PADI3: variants seen among roughly 807,000 people sequenced by gnomAD.
PADI3 encodes the protein protein-arginine deiminase type-3.
PADI3 carries 53 observed loss-of-function variants against 71.5 expected under a neutral mutation model. The observed-to-expected ratio is 0.74, with a 90% confidence interval of 0.59 to 0.93. The LOEUF (loss-of-function observed/expected upper bound fraction) is 0.93, where lower values mean the gene tolerates loss of function less well. Among genes scored for constraint, PADI3 ranks in the 40% least tolerant of loss-of-function variants. The pLI is 0.00. For missense variants in PADI3, 821 were observed against 868.0 expected, an observed-to-expected ratio of 0.95 and a Z score of 0.68; for synonymous variants, 361 against 347.5, an observed-to-expected ratio of 1.04 and a Z score of -0.43.
In PADI3 at chr1:17,265,423, G is replaced by A. The variant is rs532652198; in HGVS notation, c.347-236G>A. 1.1e-4 allele frequency among the ~76,000 whole-genome samples: 16 copies of A among 152,326 alleles called. No individual in the cohort carries two copies. The South Asian group carries it at 2.9e-3, about 28-fold the overall frequency. On this transcript the variant is annotated intron_variant, in intron 3 of 15. Transcript: ENST00000375460. ...AGGGCTGCAGGGATGCAGATAGGAA[G>A]TGGTCAGGGAAGTCTCCCTAGAGGG...
At chr1:17,266,204 C>T (rs1032841956) in intron 4 of PADI3, among the ~76,000 whole-genome samples, 9 of 152,110 alleles carry the variant, frequency 5.9e-5, no homozygotes, top group African/African-American at 2.2e-4. Context: ...CTGACCTAGG[C>T]GAGAAGAGAA....
intron 4 of PADI3, 143 bp from the exon 5 acceptor site, chr1:17,266,576 A>G (rs776360399): frequency 5.7e-5 from 40 of 702,142 alleles, no homozygotes; most frequent in Non-Finnish European, 9.6e-5. Flanking sequence ...ATTGCCATTG[A>G]CATGTCTTGA....
rs140711335 is a variant in PADI3, at chr1:17,271,298, C to T, written c.1047+120C>T. 85 of 800,812 alleles carry T rather than the reference C, an allele frequency of 1.1e-4. No individual in the cohort carries two copies. The Middle Eastern group carries it at 1.1e-3, about 11-fold the overall frequency. The allele number at this position is 800,812 out of a possible 1,614,324, so 49.6% of individuals were successfully genotyped here. A position where few individuals can be genotyped will look rare whatever the true frequency, so the allele number is the denominator to read the frequency against. On this transcript the variant is annotated intron_variant, in intron 9 of 15. Coordinates refer to ENST00000375460, the MANE Select transcript of PADI3 (RefSeq NM_016233.2). ...GGGTGCTCCCCAGGGAACTTGCTGC[C>T]GTTTCTAATGTGAGACCTAGAGGCT...
At position 17,270,231 on chromosome 1, in the gene PADI3, A is replaced by T; in HGVS notation, c.653-2A>T. The T allele has an allele frequency of 6.2e-7, 1 of 1,607,276 alleles. No homozygotes were observed. Among genetic ancestry groups the T allele is most frequent in the Non-Finnish European group, 8.5e-7 (1 of 1,176,288 alleles). Reference sequence around the variant, plus strand: ...ACAGCCACCCCGTCCCTCCCCTTCCAGGTCCTGAGGATGTGTGTGAGGCCT... The same window carrying T: ...ACAGCCACCCCGTCCCTCCCCTTCCTGGTCCTGAGGATGTGTGTGAGGCCT... On this transcript the variant is annotated splice_acceptor_variant, in intron 6 of 15. Coordinates refer to ENST00000375460, the MANE Select transcript of PADI3 (RefSeq NM_016233.2). LOFTEE classifies it high-confidence loss of function.
chr1:17,266,502 A>C (rs1425282666), intron 4 of PADI3, among the ~76,000 whole-genome samples: 1 of 152,236 alleles, frequency 6.6e-6, no homozygotes, highest in East Asian at 1.9e-4. Flanking sequence ...CTGAAGGCCC[A>C]TCACAGATAG....
chr1:17,281,206 G>A (rs1468702736), intron 15 of PADI3, among the ~76,000 whole-genome samples: 1 of 152,208 alleles, frequency 6.6e-6, no homozygotes, highest in East Asian at 1.9e-4. Context: ...GATTAAGAAT[G>A]CCCCCTGCTC....
intron 5 of PADI3, among the ~76,000 whole-genome samples, 174 bp downstream of exon 5, chr1:17,267,010 T>A (rs1370470496): frequency 6.6e-6 from 1 of 152,056 alleles, no homozygotes; most frequent in Non-Finnish European, 1.5e-5. Context: ...TGCCCCTCCC[T>A]AGTGTCTCTA....
At position 17,260,861 on chromosome 1, in the gene PADI3, C is replaced by G. The variant is rs945709369; in HGVS notation, c.273+1103C>G. Among the ~76,000 whole-genome samples, 8 of 152,144 alleles carry G rather than the reference C, an allele frequency of 5.3e-5. No individual in the cohort carries two copies. The South Asian group carries it at 1.7e-3, about 32-fold the overall frequency. On this transcript the variant is annotated intron_variant, in intron 2 of 15. Transcript: ENST00000375460. ...CCTGTGAGGGGCCCCACCTTGGTGCCGGTTGAAGTGGCGATGGTGTGGGTA... is the reference window on the plus strand; with the variant it reads ...CCTGTGAGGGGCCCCACCTTGGTGCGGGTTGAAGTGGCGATGGTGTGGGTA...
At position 17,262,211 on chromosome 1, in the gene PADI3, T is replaced by C; in HGVS notation, c.346+6T>C. On this transcript the variant is annotated splice_donor_region_variant and intron_variant, in intron 3 of 15. Transcript: ENST00000375460. ...GCTCTACCTCACCTGTGTTGGTAAG[T>C]TGGGGGCCATGTTGATGGTGTGGCC... 1 of 1,602,440 alleles carries C rather than the reference T, an allele frequency of 6.2e-7. No homozygotes were observed. Among genetic ancestry groups the C allele is most frequent in the Admixed American group, 1.7e-5 (1 of 57,160 alleles).
intron 1 of PADI3, 25 bp from the exon 2 acceptor site, chr1:17,259,553 G>T: frequency 6.4e-7 from 1 of 1,556,176 alleles, no homozygotes; most frequent in South Asian, 1.2e-5. Flanking sequence ...CTTCGGCACC[G>T]ACCATGGCTC....
At chr1:17,281,160 C>T (rs2073395358) in intron 15 of PADI3, among the ~76,000 whole-genome samples, 1 of 152,240 alleles carries the variant, frequency 6.6e-6, no homozygotes, top group Non-Finnish European at 1.5e-5. Flanking sequence ...ATCCATCCCA[C>T]ATGTATTTAG....
intron 6 of PADI3, among the ~76,000 whole-genome samples, chr1:17,269,052 A>AT (rs71575823): frequency 0.15 from 21,372 of 145,308 alleles, 1,556 homozygotes; most frequent in South Asian, 0.21. Context: ...CACCCTGCTA[A>AT]TTTTTTTTTT....
Position 17,276,591 on chromosome 1 carries a change from G to A in PADI3, c.1380G>A (p.Glu460=), listed in dbSNP as rs552994152. Residue 460 remains glutamate (E), a synonymous_variant, in exon 12 of 16, where the codon GAG becomes GAA. Coordinates refer to ENST00000375460, the MANE Select transcript of PADI3 (RefSeq NM_016233.2). ...LHAQKVQPPV[E]LFVDWLAVGH... is the part of the protein sequence containing the mutation. Reference sequence around the variant, plus strand: ...CCCAGAAGGTGCAGCCCCCCGTGGAGCTCTTTGTGGACTGGTTGGCCGTGG... The same window carrying A: ...CCCAGAAGGTGCAGCCCCCCGTGGAACTCTTTGTGGACTGGTTGGCCGTGG... 6.2e-7 allele frequency: 1 copy of A among 1,614,222 alleles called. No homozygotes were observed. The highest frequency in any genetic ancestry group is 2.2e-5 in the East Asian group (1 of 44,878).
intron 15 of PADI3, among the ~76,000 whole-genome samples, chr1:17,281,383 G>A (rs2100606520): frequency 6.6e-6 from 1 of 152,362 alleles, no homozygotes; most frequent in African/African-American, 2.4e-5. Context: ...CTTCATGGAA[G>A]AAGTGGCTTT....
chr1:17,268,674 A>AT lies in PADI3; in HGVS notation c.652+718dup, dbSNP rs1453708848. Among the ~76,000 whole-genome samples the AT allele has an allele frequency of 4.0e-4, 61 of 151,450 alleles. 2 individuals carry two copies. Among genetic ancestry groups the AT allele is most frequent in the Admixed American group, 1.2e-3 (18 of 15,198 alleles). ...AGGCATGTGCCACCACACCCAGCTA[A>AT]TTTTTTGTATTTTTAGTAGAGACAG... On this transcript the variant is annotated intron_variant, in intron 6 of 15. Transcript: ENST00000375460.
rs550960710 is a variant in PADI3 at position 17,259,698 on chromosome 1, C to T, written c.213C>T (p.Asp71=). The change falls in exon 2 of 16, where the codon GAC becomes GAT. Residue 71 remains aspartate, a synonymous_variant. Transcript: ENST00000375460. The stretch of plus-strand genomic sequence containing the variant: ...CAGACACCAGGCGGTGGCGCTTTGA[C>T]GCGACTTTGGAGATCATCGTGGTCA... The part of the protein sequence containing the change: ...ERADTRRWRF[D]ATLEIIVVMN... 16 of 1,613,470 alleles carry T rather than the reference C, an allele frequency of 9.9e-6. No individual in the cohort carries two copies. The highest frequency in any genetic ancestry group is 6.7e-5 in the East Asian group (3 of 44,840).
chr1:17,281,403 C>T (rs1000092798), intron 15 of PADI3, among the ~76,000 whole-genome samples: 1 of 151,986 alleles, frequency 6.6e-6, no homozygotes, highest in Non-Finnish European at 1.5e-5. Context: ...TTGACTGAGC[C>T]TTGAGGGCTT....
chr1:17,249,414 G>T (rs1354055812), intron 1 of PADI3, among the ~76,000 whole-genome samples, 185 bp downstream of exon 1: 1 of 152,138 alleles, frequency 6.6e-6, no homozygotes, highest in Admixed American at 6.5e-5. Flanking sequence ...CTTAGCCAGG[G>T]AATTTGAAGT....
intron 11 of PADI3, among the ~76,000 whole-genome samples, chr1:17,275,583 G>A (rs987130642): frequency 2.0e-5 from 3 of 152,106 alleles, no homozygotes; most frequent in Non-Finnish European, 2.9e-5. Flanking sequence ...GAGAAGTGAG[G>A]TACAAGACAT....
Sources: allele counts gnomAD v4.1 joint callset (sites outside exome capture counted in the v4.1 genomes callset), GRCh38; gene constraint gnomAD v4.1.1; transcripts MANE v1.5; gene names NCBI Gene and HGNC (gene_info 2026-07-23, HGNC 2026-07-21).